The following SORCS1 variants were observed in gnomAD, a reference collection of about 807,000 sequenced individuals.
The protein encoded by SORCS1 is VPS10 domain-containing receptor SorCS1.
SORCS1 carries 60 observed loss-of-function variants against 146.1 expected under a neutral mutation model. The ratio of observed to expected loss-of-function variants is 0.41; its 90% CI spans 0.33 to 0.51. The LOEUF (loss-of-function observed/expected upper bound fraction) is 0.51. Ranked by LOEUF, SORCS1 falls within the 20% of genes least tolerant of loss-of-function variation. The pLI, the probability that SORCS1 is intolerant of heterozygous loss-of-function variation, is 0.21. For synonymous variants in SORCS1, 637 were observed against 584.0 expected (o/e 1.09, Z -1.31); for missense variants, 1,352 against 1,487.6 (o/e 0.91, Z 1.50).
At chr10:106,732,907 T>C (rs1202330275) in intron 5 of SORCS1, among the ~76,000 whole-genome samples, 1 of 151,242 alleles carries the variant, frequency 6.6e-6, no homozygotes, top group Admixed American at 6.6e-5. Context: ...GATAATGAGG[T>C]CAAGAGATTG....
chr10:106,630,904 A>C (rs866371174), intron 18 of SORCS1, among the ~76,000 whole-genome samples: 25 of 152,316 alleles, frequency 1.6e-4, no homozygotes, highest in Middle Eastern at 3.4e-3. Flanking sequence ...AAGGAAAAAA[A>C]GTTGCTCAGA....
chr10:106,599,772 T>TC (rs1846129328), intron 23 of SORCS1, among the ~76,000 whole-genome samples: 2 of 151,158 alleles, frequency 1.3e-5, no homozygotes, highest in East Asian at 1.9e-4. Context: ...TTTCTTTCTT[T>TC]TTTTTTTTTT....
chr10:106,713,959 C>T, intron 6 of SORCS1, among the ~76,000 whole-genome samples: 1 of 151,636 alleles, frequency 6.6e-6, no homozygotes, highest in Non-Finnish European at 1.5e-5. Flanking sequence ...TAGTGAAACT[C>T]CATCTCTACT....
At chr10:107,055,998 A>C (rs1003674908) in intron 1 of SORCS1, among the ~76,000 whole-genome samples, 1 of 152,326 alleles carries the variant, frequency 6.6e-6, no homozygotes, top group African/African-American at 2.4e-5. Flanking sequence ...AGCTCCAGCC[A>C]CGAAGAAACA....
At chr10:106,720,181 G>C (rs188031026) in intron 6 of SORCS1, among the ~76,000 whole-genome samples, 36 of 152,234 alleles carry the variant, frequency 2.4e-4, no homozygotes, top group African/African-American at 8.7e-4. Flanking sequence ...TAAACTTTAT[G>C]AGAGCAGAGC....
At chr10:106,614,258 A>T (rs1032784673) in intron 21 of SORCS1, among the ~76,000 whole-genome samples, 4 of 152,176 alleles carry the variant, frequency 2.6e-5, no homozygotes, top group African/African-American at 9.7e-5. Context: ...TTTAATAAAC[A>T]TTTTTTATGT....
At chr10:106,998,454 T>C (rs1957087046) in intron 1 of SORCS1, among the ~76,000 whole-genome samples, 1 of 152,228 alleles carries the variant, frequency 6.6e-6, no homozygotes, top group African/African-American at 2.4e-5. Context: ...AGGGGTGGGA[T>C]AATGGAGCAA....
chr10:106,842,779 A>T (rs1949107866), intron 2 of SORCS1, among the ~76,000 whole-genome samples: 1 of 150,776 alleles, frequency 6.6e-6, no homozygotes, highest in South Asian at 2.1e-4. Context: ...ATGCCCGGCT[A>T]ATTTTGTATT....
chr10:106,944,756 T>G (rs1954224670), intron 2 of SORCS1, among the ~76,000 whole-genome samples: 2 of 151,968 alleles, frequency 1.3e-5, no homozygotes, highest in African/African-American at 2.4e-5. Flanking sequence ...GAGTTTATAT[T>G]TTAATGGTGG....
chr10:106,615,365 C>G (rs1216661584), intron 21 of SORCS1, among the ~76,000 whole-genome samples: 1 of 152,186 alleles, frequency 6.6e-6, no homozygotes, highest in Non-Finnish European at 1.5e-5. Flanking sequence ...ACACTGGAAA[C>G]CCACGTGCTT....
intron 18 of SORCS1, among the ~76,000 whole-genome samples, chr10:106,630,702 A>G (rs986727089): frequency 1.3e-5 from 2 of 152,244 alleles, no homozygotes; most frequent in African/African-American, 4.8e-5. Flanking sequence ...TCATCTGTAA[A>G]ACGCTACATA....
At chr10:106,589,117 T>C (rs2133256727) in intron 24 of SORCS1, among the ~76,000 whole-genome samples, 1 of 152,322 alleles carries the variant, frequency 6.6e-6, no homozygotes, top group South Asian at 2.1e-4. Context: ...CAGCTCCAGC[T>C]CTTTTAGTTC....
At chr10:106,756,471 A>T (rs890702348) in intron 5 of SORCS1, among the ~76,000 whole-genome samples, 1 of 152,174 alleles carries the variant, frequency 6.6e-6, no homozygotes, top group Non-Finnish European at 1.5e-5. Context: ...AGTGTCCTTG[A>T]ACCCCTTGAC....
At chr10:106,591,600 G>C (rs889050382) in intron 24 of SORCS1, among the ~76,000 whole-genome samples, 1 of 152,186 alleles carries the variant, frequency 6.6e-6, no homozygotes, top group Non-Finnish European at 1.5e-5. Flanking sequence ...ATATGTGCAA[G>C]TTATCTGCTA....
At chr10:106,984,604 AG>A (rs1338287438) in intron 1 of SORCS1, among the ~76,000 whole-genome samples, 1 of 151,820 alleles carries the variant, frequency 6.6e-6, no homozygotes, top group African/African-American at 2.4e-5. Flanking sequence ...CGTGTTAGCC[AG>A]GATGGTCTTT....
rs531620465 is a variant in SORCS1 at position 107,163,980 on chromosome 10, G to A, written c.547C>T (p.His183Tyr). ...HNQAMVHWSGHNSSVILILTK... is the reference protein window; with the variant it reads ...HNQAMVHWSGYNSSVILILTK... ...CCCATTCTACTCACGCTGCTGTTGT[G>A]GCCAGACCAGTGGACCATGGCTTGG... is the stretch of plus-strand genomic sequence containing the variant. Residue 183 changes from histidine to tyrosine, a missense_variant, in exon 1 of 26, where the codon CAC becomes TAC. Coordinates refer to ENST00000263054, the MANE Select transcript of SORCS1 (RefSeq NM_052918.5). 1.2e-5 allele frequency: 19 copies of A among 1,613,090 alleles called. No individual in the cohort carries two copies. The highest frequency in any genetic ancestry group is 1.5e-5 in the Non-Finnish European group (18 of 1,179,484).
intron 1 of SORCS1, among the ~76,000 whole-genome samples, chr10:107,070,593 T>C (rs1287480473): frequency 6.6e-6 from 1 of 152,196 alleles, no homozygotes; most frequent in African/African-American, 2.4e-5. Context: ...GAAAGACAAA[T>C]AATTTACTTT....
At chr10:107,070,411 C>T (rs1393381664) in intron 1 of SORCS1, among the ~76,000 whole-genome samples, 1 of 152,100 alleles carries the variant, frequency 6.6e-6, no homozygotes, top group Non-Finnish European at 1.5e-5. Flanking sequence ...CACACTTTTA[C>T]ACTCCCACTT....
At chr10:107,115,184 G>A (rs1402325047) in intron 1 of SORCS1, among the ~76,000 whole-genome samples, 1 of 151,492 alleles carries the variant, frequency 6.6e-6, no homozygotes, top group Non-Finnish European at 1.5e-5. Context: ...TGCCAAAAGT[G>A]ATCTACAAAG....
Sources: gnomAD v4.1 joint callset for allele counts (sites outside exome capture counted in the v4.1 genomes callset) on GRCh38, gnomAD v4.1.1 for gene constraint, MANE v1.5 for transcripts, NCBI Gene and HGNC (gene_info 2026-07-23, HGNC 2026-07-21) for gene names.